The following SPAG16 variants were observed in gnomAD, a reference collection of about 807,000 sequenced individuals.
SPAG16 encodes sperm associated antigen 16.
A neutral mutation model predicts 80.4 loss-of-function variants in SPAG16; 86 were observed. That is an observed-to-expected ratio of 1.07 (90% confidence interval 0.90 to 1.28). The LOEUF (loss-of-function observed/expected upper bound fraction) is 1.28. SPAG16 is among the 50% of genes most tolerant of loss of function. The pLI is 0.00. For missense variants in SPAG16, 870 were observed against 765.3 expected (o/e 1.14, Z -1.61); for synonymous variants, 294 against 265.9 (o/e 1.11, Z -1.03).
At chr2:213,645,361 G>A (rs770595508) in intron 10 of SPAG16, among the ~76,000 whole-genome samples, 2 of 152,006 alleles carry the variant, frequency 1.3e-5, no homozygotes, top group African/African-American at 2.4e-5. Context: ...TGGCTGTGCT[G>A]GTACCTGAGG....
At chr2:213,581,883 G>A (rs2060309226) in intron 10 of SPAG16, among the ~76,000 whole-genome samples, 1 of 152,000 alleles carries the variant, frequency 6.6e-6, no homozygotes, top group Non-Finnish European at 1.5e-5. Flanking sequence ...TGCTTCAAAG[G>A]CAACTTGCCC....
intron 13 of SPAG16, among the ~76,000 whole-genome samples, chr2:214,080,703 A>G (rs149574584): frequency 6.6e-6 from 1 of 152,286 alleles, no homozygotes; most frequent in Non-Finnish European, 1.5e-5. Flanking sequence ...ACTTAGGGTA[A>G]CAATATTTTA....
intron 15 of SPAG16, among the ~76,000 whole-genome samples, chr2:214,274,697 G>T (rs968363332): frequency 6.6e-6 from 1 of 152,124 alleles, no homozygotes. Flanking sequence ...GATTAAGATT[G>T]CCAGTATTTT....
intron 15 of SPAG16, among the ~76,000 whole-genome samples, chr2:214,378,648 C>T (rs1203696348): frequency 2.6e-5 from 4 of 152,154 alleles, no homozygotes; most frequent in Non-Finnish European, 5.9e-5. Flanking sequence ...GGCTACCTGT[C>T]ACAGGGCCCA....
intron 15 of SPAG16, among the ~76,000 whole-genome samples, chr2:214,210,187 G>A (rs1260324780): frequency 6.6e-6 from 1 of 152,018 alleles, no homozygotes; most frequent in East Asian, 1.9e-4. Flanking sequence ...TATTTTTTAA[G>A]TATTCATGAA....
At chr2:214,281,258 T>TAG in intron 15 of SPAG16, 1 of 275,314 alleles carries the variant, frequency 3.6e-6, no homozygotes, top group South Asian at 4.6e-5. Flanking sequence ...TCCCCTTCTA[T>TAG]ACAGGCATAA....
chr2:213,971,040 T>C (rs1479065422), intron 12 of SPAG16, among the ~76,000 whole-genome samples: 2 of 152,194 alleles, frequency 1.3e-5, no homozygotes, highest in Admixed American at 6.5e-5. Flanking sequence ...TTTTATTTCA[T>C]TTTTCATTTC....
At chr2:213,801,633 T>C (rs1428131275) in intron 10 of SPAG16, among the ~76,000 whole-genome samples, 2 of 152,132 alleles carry the variant, frequency 1.3e-5, no homozygotes, top group Admixed American at 6.6e-5. Flanking sequence ...TAAGCCAAGA[T>C]AGGAGATCAC....
intron 11 of SPAG16, among the ~76,000 whole-genome samples, chr2:213,907,809 G>A (rs2077493091): frequency 6.6e-6 from 1 of 152,134 alleles, no homozygotes; most frequent in Non-Finnish European, 1.5e-5. Context: ...TCTCATGTGG[G>A]AGCTAAAAAA....
At chr2:213,796,000 G>A (rs2071004653) in intron 10 of SPAG16, among the ~76,000 whole-genome samples, 1 of 152,080 alleles carries the variant, frequency 6.6e-6, no homozygotes, top group African/African-American at 2.4e-5. Flanking sequence ...TCCAGATCAT[G>A]AATTGTGTTT....
intron 10 of SPAG16, among the ~76,000 whole-genome samples, chr2:213,594,317 C>T (rs1056798785): frequency 5.9e-5 from 9 of 152,158 alleles, no homozygotes; most frequent in Non-Finnish European, 1.3e-4. Context: ...TAAAACCTCT[C>T]AGAGATACCC....
chr2:213,292,297 A>C (rs916099247), intron 1 of SPAG16, among the ~76,000 whole-genome samples: 1 of 152,206 alleles, frequency 6.6e-6, no homozygotes, highest in Non-Finnish European at 1.5e-5. Context: ...GTCTCTCAGA[A>C]GGGGTCATGC....
At chr2:213,475,263 A>C (rs2073311166) in intron 9 of SPAG16, among the ~76,000 whole-genome samples, 1 of 152,188 alleles carries the variant, frequency 6.6e-6, no homozygotes, top group Admixed American at 6.5e-5. Context: ...AGTCCTGTAG[A>C]GTTCAGGAGA....
intron 15 of SPAG16, among the ~76,000 whole-genome samples, chr2:214,327,081 T>C (rs573485740): frequency 3.3e-5 from 5 of 152,152 alleles, no homozygotes; most frequent in Non-Finnish European, 7.4e-5. Context: ...TAAAATAAGA[T>C]TGTGAATATC....
In SPAG16 at chr2:213,558,472, ATTTT is replaced by A. The variant is rs34254283; in HGVS notation, c.1070+68389_1070+68392del. Among the ~76,000 whole-genome samples the A allele has an allele frequency of 1.6e-3, 236 of 150,174 alleles. 1 individual carries two copies. The highest frequency in any genetic ancestry group is 5.5e-3 in the African/African-American group (224 of 40,894). ...ATTTAGCCTTATTTATTACATGAGAATTTTTTTTTTGTGTTAGTCATGTACAGGG... is the reference window on the plus strand; with the variant it reads ...ATTTAGCCTTATTTATTACATGAGAATTTTTTGTGTTAGTCATGTACAGGG... On this transcript the variant is annotated intron_variant, in intron 10 of 15. Coordinates refer to ENST00000331683, the MANE Select transcript of SPAG16 (RefSeq NM_024532.5).
At chr2:214,181,315 A>G (rs2125671157) in intron 15 of SPAG16, among the ~76,000 whole-genome samples, 1 of 151,940 alleles carries the variant, frequency 6.6e-6, no homozygotes. Context: ...TGTAATGAAC[A>G]GAGAAAAGGG....
At chr2:214,275,626 G>A (rs1692406746) in intron 15 of SPAG16, among the ~76,000 whole-genome samples, 1 of 152,164 alleles carries the variant, frequency 6.6e-6, no homozygotes, top group Non-Finnish European at 1.5e-5. Context: ...TTAATCCTGA[G>A]TTCTAATTTG....
chr2:214,104,134 A>C (rs974730590), intron 13 of SPAG16, among the ~76,000 whole-genome samples: 9 of 152,160 alleles, frequency 5.9e-5, no homozygotes, highest in Admixed American at 3.9e-4. Context: ...TAGGGTTGCT[A>C]TTCAGTCATT....
intron 13 of SPAG16, among the ~76,000 whole-genome samples, chr2:214,040,671 C>G (rs560533695): frequency 2.6e-5 from 4 of 152,148 alleles, no homozygotes; most frequent in Admixed American, 2.6e-4. Context: ...TATGGAGTAC[C>G]TTATTTTGTA....
Sources: allele counts gnomAD v4.1 joint callset (sites outside exome capture counted in the v4.1 genomes callset), GRCh38; gene constraint gnomAD v4.1.1; transcripts MANE v1.5; gene names NCBI Gene and HGNC (gene_info 2026-07-23, HGNC 2026-07-21).